The following AKAP13 variants were observed in gnomAD, a reference collection of about 807,000 sequenced individuals.
AKAP13 encodes the protein A-kinase anchoring protein 13, also known as A-kinase anchor protein 13.
A neutral mutation model predicts 264.5 loss-of-function variants in AKAP13; 80 were observed. The ratio of observed to expected loss-of-function variants is 0.30; its 90% CI spans 0.25 to 0.36. AKAP13 has a LOEUF of 0.36. Among genes scored for constraint, AKAP13 ranks in the 10% least tolerant of loss-of-function variants. The probability of loss-of-function intolerance (pLI) is 1.00; values close to 1 mark genes in which losing one functional copy is unlikely to be tolerated. For synonymous variants in AKAP13, 1,380 were observed against 1,250.2 expected (o/e 1.10, Z -2.19); for missense variants, 3,712 against 3,435.2 (o/e 1.08, Z -2.01).
rs768996350 is a variant in AKAP13, at chr15:85,533,593, G to A, written c.191G>A (p.Cys64Tyr). ...TLETIAPGHD[C>Y]CETVKVQLCA... ...CCTGTGTTTCCTTTAGGTCATGATT[G>A]TTGTGAAACAGTGAAGGTGCAGCTC... Residue 64 changes from cysteine to tyrosine, a missense_variant, in exon 4 of 37, where the codon TGT becomes TAT. By Grantham distance (194) the Cys-to-Tyr change is radical. Transcript: ENST00000394518. 23 of 1,608,630 alleles carry A rather than the reference G, an allele frequency of 1.4e-5. No individual in the cohort carries two copies. The South Asian group carries it at 2.5e-4, about 18-fold the overall frequency.
intron 8 of AKAP13, chr15:85,619,985 C>T (rs1330587439): frequency 7.4e-6 from 11 of 1,490,070 alleles, no homozygotes; most frequent in East Asian, 2.5e-5. Context: ...CAGAGATCTC[C>T]ACCACCTAAC....
intron 6 of AKAP13, among the ~76,000 whole-genome samples, chr15:85,575,784 C>T (rs1015301244): frequency 2.6e-5 from 4 of 152,092 alleles, no homozygotes; most frequent in Non-Finnish European, 5.9e-5. Flanking sequence ...CACTTGAGCT[C>T]AGGAGTTTGA....
chr15:85,431,678 CT>C (rs1362608193), intron 1 of AKAP13, among the ~76,000 whole-genome samples: 1 of 152,070 alleles, frequency 6.6e-6, no homozygotes, highest in Admixed American at 6.6e-5. Context: ...CTCTTCCCAG[CT>C]TTTAGGTAGT....
intron 12 of AKAP13, 26 bp downstream of exon 12, chr15:85,658,616 C>G: frequency 6.3e-7 from 1 of 1,595,870 alleles, no homozygotes; most frequent in Non-Finnish European, 8.6e-7. Context: ...ACTTGATGGA[C>G]TAACCATGTC....
Position 85,741,112 on chromosome 15 carries a change from A to C in AKAP13, c.7675A>C (p.Thr2559Pro). Residue 2559 changes from threonine (T) to proline (P), a missense_variant, in exon 35 of 37, where the codon ACT becomes CCT. Around this residue, in one of 3 missense-constraint regions of AKAP13, gnomAD observed 611 missense variants for 539.3 expected, o/e 1.13. Coordinates refer to ENST00000394518, the MANE Select transcript of AKAP13 (RefSeq NM_007200.5). ...ACTGGTGCTGAGCGAGAGGGCGCTC[A>C]CTCGCAGCTTGTCCCGCCCGAGCTC... is the stretch of plus-strand genomic sequence containing the variant. ...QKLVLSERAL[T>P]RSLSRPSSLI... is the part of the protein sequence containing the mutation. 1 of 1,613,624 alleles carries C rather than the reference A, an allele frequency of 6.2e-7. No individual in the cohort carries two copies. The highest frequency in any genetic ancestry group is 1.1e-5 in the South Asian group (1 of 91,066).
intron 35 of AKAP13, 36 bp downstream of exon 35, chr15:85,741,531 G>T (rs2088963397): frequency 2.6e-6 from 4 of 1,532,980 alleles, no homozygotes; most frequent in Non-Finnish European, 3.5e-6. Flanking sequence ...ACCTAATGAT[G>T]ATATTAATTA....
At chr15:85,559,110 T>C (rs1217281795) in intron 5 of AKAP13, among the ~76,000 whole-genome samples, 2 of 152,186 alleles carry the variant, frequency 1.3e-5, no homozygotes, top group African/African-American at 2.4e-5. Flanking sequence ...ACCACTGTTG[T>C]TGATCTTGGT....
At chr15:85,735,853 T>G (rs1372945506) in intron 32 of AKAP13, among the ~76,000 whole-genome samples, 3 of 152,244 alleles carry the variant, frequency 2.0e-5, no homozygotes, top group African/African-American at 7.2e-5. Context: ...TTTACATTCA[T>G]AACTCTACCA....
rs1242867266 is a variant in AKAP13 at position 85,580,972 on chromosome 15, C to T, written c.2904C>T (p.Ile968=). The T allele has an allele frequency of 6.2e-7, 1 of 1,614,022 alleles. No individual in the cohort carries two copies. The highest frequency in any genetic ancestry group is 1.3e-5 in the African/African-American group (1 of 74,934). ...CTCAACAATTTCATGAAAAATCAATCTCAGCTGACTGTGCCAAGGACAAAG... is the reference window on the plus strand; with the variant it reads ...CTCAACAATTTCATGAAAAATCAATTTCAGCTGACTGTGCCAAGGACAAAG... ...QDTQQFHEKS[I]SADCAKDKAL... is the part of the protein sequence containing the mutation. The change falls in exon 7 of 37, where the codon ATC becomes ATT. Residue 968 remains isoleucine (I), a synonymous_variant. Coordinates refer to ENST00000394518, the MANE Select transcript of AKAP13 (RefSeq NM_007200.5).
chr15:85,726,195 C>A (rs1226726603), intron 26 of AKAP13: 10 of 449,782 alleles, frequency 2.2e-5, no homozygotes, highest in Non-Finnish European at 3.6e-5. Context: ...GGTGATAAAT[C>A]CCATTTTAAA....
intron 1 of AKAP13, among the ~76,000 whole-genome samples, chr15:85,457,931 C>T (rs1334152702): frequency 6.6e-6 from 1 of 151,868 alleles, no homozygotes; most frequent in East Asian, 1.9e-4. Flanking sequence ...CATGAGGTCA[C>T]GAAATCGAGA....
At chr15:85,679,055 A>G (rs543852548) in intron 14 of AKAP13, among the ~76,000 whole-genome samples, 1 of 152,116 alleles carries the variant, frequency 6.6e-6, no homozygotes, top group South Asian at 2.1e-4. Context: ...TCTGGCCAAC[A>G]TAGTGAAACC....
intron 1 of AKAP13, among the ~76,000 whole-genome samples, chr15:85,454,395 C>G (rs997595564): frequency 1.6e-4 from 25 of 152,152 alleles, no homozygotes; most frequent in African/African-American, 5.8e-4. Flanking sequence ...ATCGCTCATT[C>G]ACTCACTGCT....
intron 18 of AKAP13, 99 bp from the exon 19 acceptor site, chr15:85,710,480 G>C: frequency 2.5e-6 from 3 of 1,180,086 alleles, no homozygotes; most frequent in East Asian, 2.4e-5. Flanking sequence ...GCAAAAAGCA[G>C]AGTGGGAAAG....
intron 8 of AKAP13, among the ~76,000 whole-genome samples, chr15:85,635,424 A>G (rs920382838): frequency 1.3e-4 from 20 of 152,110 alleles, no homozygotes; most frequent in African/African-American, 4.6e-4. Context: ...TTGTTACTGC[A>G]TTGTAAGAGT....
At chr15:85,733,588 T>G (rs1306580733) in intron 30 of AKAP13, among the ~76,000 whole-genome samples, 1 of 152,188 alleles carries the variant, frequency 6.6e-6, no homozygotes, top group African/African-American at 2.4e-5. Context: ...AGGTCTCCAT[T>G]TATCCTTATG....
chr15:85,552,628 CT>C (rs55743971), intron 5 of AKAP13, among the ~76,000 whole-genome samples: 43 of 125,056 alleles, frequency 3.4e-4, no homozygotes, highest in Admixed American at 1.3e-3. Context: ...TTTTTTTGGC[CT>C]TTTTTTTTTT....
At chr15:85,602,443 T>C (rs1030528708) in intron 8 of AKAP13, among the ~76,000 whole-genome samples, 2 of 151,808 alleles carry the variant, frequency 1.3e-5, no homozygotes, top group Admixed American at 1.3e-4. Flanking sequence ...CCCAGAGTGC[T>C]GTGATTACTG....
At chr15:85,426,876 G>C (rs1460462363) in intron 1 of AKAP13, among the ~76,000 whole-genome samples, 1 of 151,074 alleles carries the variant, frequency 6.6e-6, no homozygotes, top group Non-Finnish European at 1.5e-5. Flanking sequence ...TTGGTATGTA[G>C]TTGTGTTGAC....
Sources: allele counts gnomAD v4.1 joint callset (sites outside exome capture counted in the v4.1 genomes callset), GRCh38; gene constraint gnomAD v4.1.1; regional missense constraint gnomAD v4.1.1; transcripts MANE v1.5; gene names NCBI Gene and HGNC (gene_info 2026-07-23, HGNC 2026-07-21).